Variants in FUS observed in about 807,000 individuals in gnomAD.
FUS encodes the protein FUS RNA binding protein.
In FUS, 5 loss-of-function variants were observed where a neutral mutation model predicts 82.7. That is an observed-to-expected ratio of 0.06 (90% confidence interval 0.03 to 0.13). FUS has a LOEUF of 0.13. FUS is among the 10% of genes least tolerant of loss of function. The pLI, the probability that FUS is intolerant of heterozygous loss-of-function variation, is 1.00. For missense variants in FUS, 512 were observed against 707.8 expected (o/e 0.72, Z 3.14); for synonymous variants, 281 against 247.4 (o/e 1.14, Z -1.27).
downstream of FUS, chr16:31,192,244 C>T (rs887830023): frequency 1.7e-5 from 9 of 526,086 alleles, no homozygotes; most frequent in Non-Finnish European, 3.3e-5. Context: ...GGCTTGATCC[C>T]TTTTTGATTG....
intron 5 of FUS, 21 bp downstream of exon 5, chr16:31,184,417 T>A: frequency 2.5e-6 from 4 of 1,597,652 alleles, no homozygotes; most frequent in Non-Finnish European, 3.4e-6. Context: ...TTCAGCTTTG[T>A]CTGCAGCCCA....
chr16:31,189,947 T>C, intron 10 of FUS, 93 bp from the exon 11 acceptor site: 1 of 1,555,294 alleles, frequency 6.4e-7, no homozygotes, highest in Non-Finnish European at 8.8e-7. Context: ...TGTCAGCAGA[T>C]TATAAACCAT....
chr16:31,182,941 C>T, intron 3 of FUS: 1 of 433,196 alleles, frequency 2.3e-6, no homozygotes, highest in South Asian at 2.1e-5. Flanking sequence ...GTCTGGAACT[C>T]CTGACCTCCT....
intron 8 of FUS, chr16:31,188,682 T>C (rs2079308181): frequency 2.0e-6 from 1 of 500,196 alleles, no homozygotes; most frequent in African/African-American, 1.9e-5. Context: ...GTGGATCATG[T>C]CCAAGTTGGT....
rs374490677 is a variant in FUS, at chr16:31,186,673, T to G, written c.765-129T>G. 2.0e-4 allele frequency: 161 copies of G among 818,540 alleles called. No homozygotes were observed. In the East Asian group the frequency reaches 2.6e-3, roughly 13 times the overall value. 50.7% of individuals were successfully genotyped at this position (818,540 alleles called of 1,614,324 possible). A position where few individuals can be genotyped will look rare whatever the true frequency, so the allele number is the denominator to read the frequency against. ...AAGGGGTGGTCAGGAAGGGATGTAT[T>G]TTAGTAGCCACTTGTATCTTTTTCC... is the stretch of plus-strand genomic sequence containing the variant. On this transcript the variant is annotated intron_variant, in intron 6 of 14. Coordinates refer to ENST00000254108, the MANE Select transcript of FUS (RefSeq NM_004960.4).
chr16:31,186,511 C>T (rs2079272403), intron 6 of FUS: 1 of 503,914 alleles, frequency 2.0e-6, no homozygotes, highest in Non-Finnish European at 3.6e-6. Context: ...AACATCTGCT[C>T]CATCGGAAGA....
At chr16:31,184,907 T>G (rs1427300725) in intron 5 of FUS, 32 bp from the exon 6 acceptor site, 15 of 1,610,136 alleles carry the variant, frequency 9.3e-6, no homozygotes, top group Admixed American at 5.0e-5. Flanking sequence ...CTTTTTGTTT[T>G]TTTTTTTTAA....
chr16:31,183,941 G>A lies in FUS; in HGVS notation c.274G>A (p.Gly92Arg), dbSNP rs754194085. The stretch of plus-strand genomic sequence containing the variant: ...TAGCCAGAGCTCCCAATCGTCTTAC[G>A]GGCAGCAGTCCTCCTACCCTGGCTA... ...GSSQSSQSSYGQQSSYPGYGQ... is the reference protein window; with the variant it reads ...GSSQSSQSSYRQQSSYPGYGQ... The change falls in exon 4 of 15, where the codon GGG becomes AGG. Residue 92 changes from glycine (G) to arginine (R), a missense_variant. By Grantham distance (125) the Gly-to-Arg change is moderately radical (BLOSUM62 -2). Around this residue, in one of 6 missense-constraint regions of FUS, gnomAD observed 276 missense variants for 303.3 expected, o/e 0.91. Transcript: ENST00000254108. The A allele has an allele frequency of 5.6e-6, 9 of 1,613,818 alleles. No individual in the cohort carries two copies. Among genetic ancestry groups the A allele is most frequent in the South Asian group, 1.1e-5 (1 of 91,050 alleles).
chr16:31,189,763 T>C lies in FUS; in HGVS notation c.1035T>C (p.Pro345=), dbSNP rs2079324132. The change falls in exon 10 of 15, where the codon CCT becomes CCC. Residue 345 remains proline, a synonymous_variant. Transcript: ENST00000254108. ...CAACGGTCTCTTTTGATGACCCACC[T>C]TCAGCTAAAGCAGCTATTGACTGGT... ...GEATVSFDDP[P]SAKAAIDWFD... The C allele has an allele frequency of 1.9e-6, 3 of 1,614,214 alleles. No homozygotes were observed. The highest frequency in any genetic ancestry group is 2.5e-6 in the Non-Finnish European group (3 of 1,180,036).
At position 31,182,639 on chromosome 16, in the gene FUS, T is replaced by C; in HGVS notation, c.165T>C (p.Tyr55=). 1 of 1,613,416 alleles carries C rather than the reference T, an allele frequency of 6.2e-7. No individual in the cohort carries two copies. Among genetic ancestry groups the C allele is most frequent in the Non-Finnish European group, 8.5e-7 (1 of 1,179,324 alleles). Residue 55 remains tyrosine (Y), a synonymous_variant, in exon 3 of 15, where the codon TAT becomes TAC. Transcript: ENST00000254108. The part of the protein sequence containing the change: ...TDTSGYGQSS[Y]SSYGQSQNTG... ...CTTCAGGCTATGGCCAGAGCAGCTA[T>C]TCTTCTTATGGCCAGAGCCAGAACA...
intron 9 of FUS, 59 bp downstream of exon 9, chr16:31,189,285 C>T (rs2079316856): frequency 8.0e-7 from 1 of 1,243,216 alleles, no homozygotes. Flanking sequence ...GGATTTCACA[C>T]ATTAGTAAAA....
Position 31,191,229 on chromosome 16 carries a change from A to G in FUS, c.1541+119A>G. ...CTAGGTGGAAAGACCTGAGGTTGTA[A>G]CCAGTAGTGGAGAGGGAAGGAAAAT... is the stretch of plus-strand genomic sequence containing the variant. On this transcript the variant is annotated intron_variant, in intron 14 of 14. Transcript: ENST00000254108. 5 of 1,493,680 alleles carry G rather than the reference A, an allele frequency of 3.3e-6. No individual in the cohort carries two copies. The South Asian group carries it at 5.8e-5, about 17-fold the overall frequency. The allele number at this position is 1,493,680 out of a possible 1,614,324, so 92.5% of individuals were successfully genotyped here.
intron 7 of FUS, 127 bp from the exon 8 acceptor site, chr16:31,188,198 A>G (rs2079298787): frequency 1.0e-6 from 1 of 1,002,310 alleles, no homozygotes; most frequent in Admixed American, 2.1e-5. Flanking sequence ...GTGAGCACTT[A>G]CTTGATATTT....
At chr16:31,189,824 G>A in intron 10 of FUS, 30 bp downstream of exon 10, 4 of 1,613,666 alleles carry the variant, frequency 2.5e-6, no homozygotes, top group Non-Finnish European at 3.4e-6. Context: ...CAGAGGTGGG[G>A]CTGGGGATAT....
At chr16:31,188,262 C>T (rs1285544707) in intron 7 of FUS, 63 bp from the exon 8 acceptor site, 19 of 1,561,064 alleles carry the variant, frequency 1.2e-5, no homozygotes, top group African/African-American at 2.7e-5. Flanking sequence ...TTCCTGTTGA[C>T]TAACGGCTCA....
chr16:31,180,342 C>T, intron 1 of FUS, 115 bp downstream of exon 1: 2 of 1,377,908 alleles, frequency 1.5e-6, no homozygotes, highest in South Asian at 1.2e-5. Flanking sequence ...TTTGGCGCCC[C>T]TGTGGCGGGA....
chr16:31,180,832 C>T (rs1418221907), intron 1 of FUS, among the ~76,000 whole-genome samples: 3 of 152,154 alleles, frequency 2.0e-5, no homozygotes, highest in African/African-American at 7.2e-5. Context: ...GGGCCGCCCT[C>T]TAGCTTAACG....
chr16:31,182,400 T>G lies in FUS; in HGVS notation c.16T>G (p.Tyr6Asp). The change falls in exon 2 of 15, where the codon TAT (tyrosine) becomes GAT (aspartate). Residue 6 changes from tyrosine (Y) to aspartate (D), a missense_variant and splice_region_variant. Tyr to Asp is a radical substitution (Grantham distance 160, BLOSUM62 -3). Transcript: ENST00000254108. ...GTGATTGTATTTTTCTTTTGCAGAT[T>G]ATACCCAACAAGCAACCCAAAGGTG... MASND[Y>D]TQQATQSYGA... is the part of the protein sequence containing the mutation. 6.2e-7 allele frequency: 1 copy of G among 1,614,236 alleles called. No homozygotes were observed. The highest frequency in any genetic ancestry group is 8.5e-7 in the Non-Finnish European group (1 of 1,180,028).
intron 8 of FUS, chr16:31,188,776 T>G: frequency 1.1e-5 from 5 of 469,736 alleles, no homozygotes; most frequent in Non-Finnish European, 1.9e-5. Context: ...TGTACTAGAT[T>G]TGAATGTAAA....
Sources: allele counts gnomAD v4.1 joint callset (sites outside exome capture counted in the v4.1 genomes callset), GRCh38; gene constraint gnomAD v4.1.1; regional missense constraint gnomAD v4.1.1; transcripts MANE v1.5; gene names NCBI Gene and HGNC (gene_info 2026-07-23, HGNC 2026-07-21).